Variants in ARMC8 observed in about 807,000 individuals in gnomAD.
The protein encoded by ARMC8 is armadillo repeat containing 8.
ARMC8 carries 20 observed loss-of-function variants against 99.3 expected under a neutral mutation model. That is an observed-to-expected ratio of 0.20 (90% CI 0.14 to 0.29). The LOEUF (loss-of-function observed/expected upper bound fraction) is 0.29. Among genes scored for constraint, ARMC8 ranks in the 10% least tolerant of loss-of-function variants. The pLI, the probability that ARMC8 is intolerant of heterozygous loss-of-function variation, is 1.00. For synonymous variants in ARMC8, 263 were observed against 278.3 expected (o/e 0.95, Z 0.55); for missense variants, 569 against 809.5 (o/e 0.70, Z 3.60).
chr3:138,195,055 A>T (rs556063501), intron 1 of ARMC8, among the ~76,000 whole-genome samples: 1 of 152,164 alleles, frequency 6.6e-6, no homozygotes, highest in Admixed American at 6.5e-5. Context: ...CAGGTGGATC[A>T]CCTGAGATCA....
At chr3:138,191,601 C>T (rs145883241) in intron 1 of ARMC8, among the ~76,000 whole-genome samples, 39 of 152,214 alleles carry the variant, frequency 2.6e-4, no homozygotes, top group African/African-American at 7.5e-4. Flanking sequence ...AGAACTATTC[C>T]GTCACCGCAA....
chr3:138,210,760 G>T (rs1010398508), intron 2 of ARMC8, among the ~76,000 whole-genome samples: 7 of 152,008 alleles, frequency 4.6e-5, no homozygotes, highest in African/African-American at 1.7e-4. Flanking sequence ...GGCAAGGCTG[G>T]GATGCTTTGT....
At chr3:138,263,878 C>T in intron 13 of ARMC8, 57 bp downstream of exon 13, 1 of 1,423,774 alleles carries the variant, frequency 7.0e-7, no homozygotes, top group Admixed American at 1.7e-5. Context: ...AACCTGTTTC[C>T]TTTCTGGTCC....
intron 7 of ARMC8, 21 bp from the exon 8 acceptor site, chr3:138,237,288 T>C (rs767429817): frequency 1.9e-6 from 3 of 1,606,014 alleles, no homozygotes; most frequent in Admixed American, 1.7e-5. Flanking sequence ...ACATTTTTTG[T>C]TTGTTCATTT....
intron 21 of ARMC8, among the ~76,000 whole-genome samples, chr3:138,295,515 G>A (rs2051401129): frequency 6.6e-6 from 1 of 152,198 alleles, no homozygotes; most frequent in African/African-American, 2.4e-5. Flanking sequence ...GTAAGAAAAA[G>A]TAAAGAATGT....
intron 6 of ARMC8, 60 bp downstream of exon 6, chr3:138,229,070 T>C: frequency 7.9e-7 from 1 of 1,263,924 alleles, no homozygotes; most frequent in Non-Finnish European, 1.1e-6. Context: ...TTAAGAGATG[T>C]ACCTTCTTTG....
intron 12 of ARMC8, among the ~76,000 whole-genome samples, chr3:138,257,545 A>G (rs1576792557): frequency 2.0e-5 from 3 of 152,062 alleles, no homozygotes; most frequent in Admixed American, 2.0e-4. Context: ...TGCCTATTTC[A>G]TTCTAGTATC....
intron 1 of ARMC8, among the ~76,000 whole-genome samples, chr3:138,190,685 ATTC>A (rs2043334093): frequency 6.6e-6 from 1 of 152,136 alleles, no homozygotes; most frequent in Non-Finnish European, 1.5e-5. Flanking sequence ...AGTAAATCTT[ATTC>A]TTCTTACTCA....
At chr3:138,255,178 A>G (rs1485168825) in intron 12 of ARMC8, among the ~76,000 whole-genome samples, 3 of 137,882 alleles carry the variant, frequency 2.2e-5, no homozygotes, top group Middle Eastern at 7.9e-3. Flanking sequence ...CCTCCCAAAC[A>G]TTGTTCTGTT....
At chr3:138,189,221 AT>A (rs1412455022) in intron 1 of ARMC8, among the ~76,000 whole-genome samples, 2 of 151,062 alleles carry the variant, frequency 1.3e-5, no homozygotes, top group Non-Finnish European at 2.9e-5. Flanking sequence ...CTTGAAGAGT[AT>A]TTTCTATTAA....
At chr3:138,262,620 T>A (rs1180326973) in intron 12 of ARMC8, 2 of 1,536,834 alleles carry the variant, frequency 1.3e-6, no homozygotes, top group African/African-American at 1.4e-5. Flanking sequence ...AAAATTTAGG[T>A]GCCTAGCCCT....
chr3:138,264,599 T>C (rs2048088329), intron 14 of ARMC8, among the ~76,000 whole-genome samples: 1 of 151,796 alleles, frequency 6.6e-6, no homozygotes, highest in Admixed American at 6.6e-5. Flanking sequence ...TTTGTATTTT[T>C]AGTAGAGGCG....
chr3:138,236,276 A>G (rs2046329073), intron 7 of ARMC8, among the ~76,000 whole-genome samples: 1 of 152,114 alleles, frequency 6.6e-6, no homozygotes, highest in African/African-American at 2.4e-5. Context: ...ACTGAAAGGT[A>G]CCTCCTCTTT....
intron 5 of ARMC8, among the ~76,000 whole-genome samples, chr3:138,225,733 G>A (rs924624782): frequency 1.3e-5 from 2 of 152,130 alleles, no homozygotes; most frequent in Non-Finnish European, 2.9e-5. Flanking sequence ...CTAACACAAC[G>A]AATCATATTG....
intron 12 of ARMC8, chr3:138,246,366 C>T (rs754990318): frequency 1.1e-4 from 113 of 985,016 alleles, no homozygotes; most frequent in Non-Finnish European, 3.1e-5. Flanking sequence ...TCTAAGTTTT[C>T]ACTTATAAAC....
chr3:138,188,630 G>A (rs2107928597), intron 1 of ARMC8: 2 of 1,469,356 alleles, frequency 1.4e-6, no homozygotes, highest in Non-Finnish European at 1.9e-6. Flanking sequence ...ATACTGAGAG[G>A]GTAGTTGGAT....
chr3:138,255,391 A>G (rs1458322064), intron 12 of ARMC8, among the ~76,000 whole-genome samples: 1 of 151,320 alleles, frequency 6.6e-6, no homozygotes, highest in Non-Finnish European at 1.5e-5. Context: ...TTTAGTAGAG[A>G]CGGGGTTTCA....
chr3:138,218,366 T>A (rs2108062982), intron 2 of ARMC8, among the ~76,000 whole-genome samples: 1 of 152,306 alleles, frequency 6.6e-6, no homozygotes, highest in Non-Finnish European at 1.5e-5. Flanking sequence ...TTAATCCATC[T>A]CCCTTTAGTT....
chr3:138,286,962 C>T (rs1295597855), intron 19 of ARMC8, among the ~76,000 whole-genome samples: 1 of 152,218 alleles, frequency 6.6e-6, no homozygotes, highest in East Asian at 1.9e-4. Flanking sequence ...AATTTATCAA[C>T]AAGTCCTATC....
Sources: allele counts gnomAD v4.1 joint callset (sites outside exome capture counted in the v4.1 genomes callset), GRCh38; gene constraint gnomAD v4.1.1; transcripts MANE v1.5; gene names NCBI Gene and HGNC (gene_info 2026-07-23, HGNC 2026-07-21).